PCDH7: variants seen among roughly 807,000 people sequenced by gnomAD.
PCDH7 encodes the protein protocadherin-7.
Under a neutral mutation model 58.9 loss-of-function variants are expected in PCDH7, and 17 were observed. The observed-to-expected ratio is 0.29, with a 90% CI of 0.20 to 0.43. PCDH7 has a LOEUF of 0.43. Among genes scored for constraint, PCDH7 ranks in the 20% least tolerant of loss-of-function variants. The pLI is 1.00. For missense variants in PCDH7, 1,274 were observed against 1,441.0 expected (o/e 0.88, Z 1.88); for synonymous variants, 664 against 616.4 (o/e 1.08, Z -1.14).
intron 1 of PCDH7, among the ~76,000 whole-genome samples, chr4:30,906,467 T>C (rs1740941627): frequency 6.6e-6 from 1 of 152,280 alleles, no homozygotes; most frequent in East Asian, 1.9e-4. Context: ...CATGTTAATA[T>C]GTAGCAATTG....
chr4:31,023,249 A>G (rs909410699), intron 3 of PCDH7, among the ~76,000 whole-genome samples: 1 of 152,230 alleles, frequency 6.6e-6, no homozygotes, highest in African/African-American at 2.4e-5. Flanking sequence ...CAACACCAGA[A>G]TCGCAGTTTG....
At chr4:31,110,121 A>T (rs893663968) in intron 3 of PCDH7, among the ~76,000 whole-genome samples, 4 of 152,206 alleles carry the variant, frequency 2.6e-5, no homozygotes, top group Admixed American at 2.0e-4. Flanking sequence ...CTTAATTCTT[A>T]CACCAACCAT....
chr4:30,886,881 C>A (rs888380467), intron 1 of PCDH7, among the ~76,000 whole-genome samples: 5 of 146,096 alleles, frequency 3.4e-5, no homozygotes, highest in African/African-American at 7.8e-5. Flanking sequence ...GAACAAAAAA[C>A]CAAACACTGC....
chr4:30,968,417 G>GATATATATATATAT (rs1560541749), intron 3 of PCDH7, among the ~76,000 whole-genome samples: 4 of 20,942 alleles, frequency 1.9e-4, no homozygotes, highest in African/African-American at 2.9e-4. Flanking sequence ...TATATATATG[G>GATATATATATATAT]GATATTATGT....
chr4:30,790,489 T>G (rs555554173), intron 1 of PCDH7, among the ~76,000 whole-genome samples: 1 of 152,310 alleles, frequency 6.6e-6, no homozygotes, highest in South Asian at 2.1e-4. Context: ...GAGAGGAATT[T>G]TATGGTTCCT....
chr4:31,108,202 G>A (rs948777117), intron 3 of PCDH7, among the ~76,000 whole-genome samples: 15 of 151,636 alleles, frequency 9.9e-5, no homozygotes, highest in African/African-American at 3.6e-4. Flanking sequence ...CTATTCCTCT[G>A]TCCTACCCTA....
chr4:31,049,419 GC>G (rs1382395799), intron 3 of PCDH7, among the ~76,000 whole-genome samples: 1 of 152,078 alleles, frequency 6.6e-6, no homozygotes, highest in African/African-American at 2.4e-5. Context: ...GAGAAACCAG[GC>G]ATGGATATGC....
intron 2 of PCDH7, among the ~76,000 whole-genome samples, chr4:30,947,196 A>G (rs1470536987): frequency 6.6e-6 from 1 of 152,182 alleles, no homozygotes; most frequent in Non-Finnish European, 1.5e-5. Flanking sequence ...AATGGAAACT[A>G]GAAGAAGCCG....
intron 1 of PCDH7, among the ~76,000 whole-genome samples, chr4:30,822,453 A>G (rs911204454): frequency 6.6e-6 from 1 of 152,082 alleles, no homozygotes; most frequent in Non-Finnish European, 1.5e-5. Flanking sequence ...GTAAAAGGTC[A>G]GGTGCTGCAT....
At chr4:31,090,363 C>T (rs184748703) in intron 3 of PCDH7, among the ~76,000 whole-genome samples, 1 of 152,024 alleles carries the variant, frequency 6.6e-6, no homozygotes, top group African/African-American at 2.4e-5. Flanking sequence ...ATAATACTCA[C>T]ATCTGGGTAA....
intron 3 of PCDH7, among the ~76,000 whole-genome samples, chr4:31,040,971 T>C (rs917700636): frequency 3.3e-5 from 5 of 151,962 alleles, no homozygotes; most frequent in Non-Finnish European, 7.4e-5. Flanking sequence ...TGGAAAAACA[T>C]TGAAAAATAT....
At chr4:30,833,034 G>A (rs1729998812) in intron 1 of PCDH7, among the ~76,000 whole-genome samples, 1 of 152,060 alleles carries the variant, frequency 6.6e-6, no homozygotes, top group Non-Finnish European at 1.5e-5. Flanking sequence ...AGCAATAAGA[G>A]CCTGCTTTGT....
chr4:30,936,800 T>C (rs4469028), intron 2 of PCDH7, among the ~76,000 whole-genome samples: 105,544 of 151,930 alleles, frequency 0.69, 36,697 homozygotes, highest in East Asian at 0.78. Flanking sequence ...TTTTATTTGC[T>C]TGTTTGTTTC....
At chr4:30,977,245 T>C (rs185014392) in intron 3 of PCDH7, among the ~76,000 whole-genome samples, 2 of 152,280 alleles carry the variant, frequency 1.3e-5, no homozygotes, top group East Asian at 1.9e-4. Context: ...ACTTTTACAA[T>C]AGAGTGGAGT....
intron 3 of PCDH7, among the ~76,000 whole-genome samples, chr4:31,116,568 T>C (rs1717007569): frequency 6.6e-6 from 1 of 152,192 alleles, no homozygotes; most frequent in African/African-American, 2.4e-5. Flanking sequence ...TGAGAAACCC[T>C]ATGCAGATCA....
At chr4:31,081,233 A>G (rs1759473140) in intron 3 of PCDH7, among the ~76,000 whole-genome samples, 1 of 152,200 alleles carries the variant, frequency 6.6e-6, no homozygotes, top group Non-Finnish European at 1.5e-5. Context: ...TTGCTTTCAA[A>G]TTTTATTTGG....
chr4:30,823,676 AAC>A (rs1728654210), intron 1 of PCDH7, among the ~76,000 whole-genome samples: 1 of 152,124 alleles, frequency 6.6e-6, no homozygotes, highest in Non-Finnish European at 1.5e-5. Flanking sequence ...ATATTATGGA[AAC>A]ACCTGGTTAC....
At position 30,962,792 on chromosome 4, in the gene PCDH7, A is replaced by C. The variant is rs202059198; in HGVS notation, c.*7+12577A>C. ...ACCCAGTCTTAAAAAAAAAAAAAAAAAAAAAAAAAAAAACAGTGGTAATTC... is the reference window on the plus strand; with the variant it reads ...ACCCAGTCTTAAAAAAAAAAAAAAACAAAAAAAAAAAAACAGTGGTAATTC... On this transcript the variant is annotated intron_variant, in intron 3 of 3. Coordinates refer to the PCDH7 transcript ENST00000509759. Among the ~76,000 whole-genome samples, 94 of 145,258 alleles carry C rather than the reference A, an allele frequency of 6.5e-4. No individual in the cohort carries two copies. In the East Asian group the frequency reaches 6.7e-3, roughly 10 times the overall value.
chr4:31,056,667 G>GAGAGAGAAAGAGAGAGAGGAGAGAA (rs1757283360), intron 3 of PCDH7, among the ~76,000 whole-genome samples: 5 of 144,146 alleles, frequency 3.5e-5, no homozygotes, highest in African/African-American at 1.3e-4. Flanking sequence ...AGAGGAGAGA[G>GAGAGAGAAAGAGAGAGAGGAGAGAA]AGAAAGAGAA....
Sources: allele counts gnomAD v4.1 joint callset (sites outside exome capture counted in the v4.1 genomes callset), GRCh38; gene constraint gnomAD v4.1.1; transcripts MANE v1.5; gene names NCBI Gene and HGNC (gene_info 2026-07-23, HGNC 2026-07-21).